TMOD1: variants seen among roughly 807,000 people sequenced by gnomAD.
TMOD1 encodes tropomodulin 1, also known as tropomodulin-1.
A neutral mutation model predicts 40.6 loss-of-function variants in TMOD1; 17 were observed. That is an observed-to-expected ratio of 0.42 (90% confidence interval 0.29 to 0.63). TMOD1 has a LOEUF of 0.63. TMOD1 is among the 20% of genes least tolerant of loss of function. The pLI, the probability that TMOD1 is intolerant of heterozygous loss-of-function variation, is 0.22. For missense variants in TMOD1, 391 were observed against 447.6 expected, an observed-to-expected ratio of 0.87 and a Z score of 1.14; for synonymous variants, 181 against 175.0, an observed-to-expected ratio of 1.03 and a Z score of -0.27.
intron 3 of TMOD1, 108 bp from the exon 4 acceptor site, chr9:97,553,173 G>T: frequency 4.6e-6 from 7 of 1,525,550 alleles, no homozygotes; most frequent in Non-Finnish European, 6.2e-6. Flanking sequence ...GGGACTCTCA[G>T]CATGGAGGGA....
At chr9:97,587,547 TCCCCG>T (rs1825907209) in intron 8 of TMOD1, among the ~76,000 whole-genome samples, 1 of 146,394 alleles carries the variant, frequency 6.8e-6, no homozygotes, top group Admixed American at 7.0e-5. Flanking sequence ...TCATATCCTT[TCCCCG>T]TTTTCTAATT....
At chr9:97,522,364 C>T (rs929271373) in intron 1 of TMOD1, among the ~76,000 whole-genome samples, 9 of 152,048 alleles carry the variant, frequency 5.9e-5, no homozygotes, top group Admixed American at 1.3e-4. Flanking sequence ...CCAAATTTCC[C>T]GTTTATAAGG....
At chr9:97,547,055 G>T (rs945019747) in intron 3 of TMOD1, among the ~76,000 whole-genome samples, 7 of 151,346 alleles carry the variant, frequency 4.6e-5, no homozygotes, top group Non-Finnish European at 8.8e-5. Context: ...TTTCTCCAAA[G>T]TTCCTCTCTC....
intron 8 of TMOD1, among the ~76,000 whole-genome samples, chr9:97,575,757 A>G (rs1446998026): frequency 6.6e-6 from 1 of 152,216 alleles, no homozygotes; most frequent in Non-Finnish European, 1.5e-5. Flanking sequence ...TCCAGGATAC[A>G]CCTTGTAACA....
rs1273095828 is a variant in TMOD1, at chr9:97,513,815, C to T, written c.-48-10326C>T. On this transcript the variant is annotated intron_variant, in intron 1 of 9. Transcript: ENST00000259365. This position sits in a 1 kb window ranked among gnomAD's most constrained non-coding sequence, Gnocchi z 4.1. ...AGGCCCCCTGACTTCTATGGCAATG[C>T]TCCTTCTGCCATTGCACAGTGGCCC... 1 of 152,260 alleles carries T rather than the reference C, an allele frequency of 6.6e-6. No homozygotes were observed. Among genetic ancestry groups the T allele is most frequent in the Non-Finnish European group, 1.5e-5 (1 of 68,054 alleles). The allele number at this position is 152,260 out of a possible 1,614,324, so 9.4% of individuals were successfully genotyped here.
At chr9:97,546,369 T>C in intron 3 of TMOD1, 28 bp downstream of exon 3, 1 of 1,606,514 alleles carries the variant, frequency 6.2e-7, no homozygotes, top group East Asian at 2.2e-5. Context: ...TGTTATAATA[T>C]GCCACTCCCC....
intron 1 of TMOD1, among the ~76,000 whole-genome samples, chr9:97,509,980 T>C (rs1054676360): frequency 1.3e-5 from 2 of 152,228 alleles, no homozygotes; most frequent in African/African-American, 4.8e-5. Flanking sequence ...TGTTTTTTTA[T>C]TGGAGGAACT....
At position 97,524,303 on chromosome 9, in the gene TMOD1, C is replaced by A. The variant is rs1829964377; in HGVS notation, c.115C>A (p.Pro39Thr). The A allele has an allele frequency of 6.2e-7, 1 of 1,613,812 alleles. No individual in the cohort carries two copies. Among genetic ancestry groups the A allele is most frequent in the African/African-American group, 1.3e-5 (1 of 74,888 alleles). ...GGAAAATGAGCTGGATGAGCTGGAC[C>A]CTGATGTGAGTAGGTGCTAAAGGGA... ...TLENELDELD[P>T]DNALLPAGLR... is the part of the protein sequence containing the mutation. The change falls in exon 2 of 10, where the codon CCT becomes ACT. Residue 39 changes from proline to threonine, a missense_variant. Coordinates refer to ENST00000259365, the MANE Select transcript of TMOD1 (RefSeq NM_003275.4).
chr9:97,574,679 G>A (rs1179494149), intron 8 of TMOD1, among the ~76,000 whole-genome samples: 4 of 152,266 alleles, frequency 2.6e-5, no homozygotes, highest in African/African-American at 9.6e-5. Flanking sequence ...GTCTGGCTAA[G>A]GGATGGCAAA....
At chr9:97,589,279 ATT>A (rs563136711) in intron 8 of TMOD1, among the ~76,000 whole-genome samples, 107 of 109,456 alleles carry the variant, frequency 9.8e-4, no homozygotes, top group Middle Eastern at 9.9e-3. Flanking sequence ...AAACTCACTA[ATT>A]TTTTTTTTTT....
At chr9:97,523,913 T>A (rs1011794518) in intron 1 of TMOD1, among the ~76,000 whole-genome samples, 3 of 152,272 alleles carry the variant, frequency 2.0e-5, no homozygotes, top group Non-Finnish European at 4.4e-5. Flanking sequence ...TTAATGTCCA[T>A]GCCAATTCTA....
At chr9:97,580,993 T>A (rs1825739026) in intron 8 of TMOD1, among the ~76,000 whole-genome samples, 1 of 150,946 alleles carries the variant, frequency 6.6e-6, no homozygotes, top group African/African-American at 2.4e-5. Flanking sequence ...TTTATTTCTT[T>A]TTTCTTTTTT....
intron 2 of TMOD1, among the ~76,000 whole-genome samples, chr9:97,537,842 G>C (rs897589851): frequency 3.3e-5 from 5 of 152,166 alleles, no homozygotes; most frequent in African/African-American, 1.2e-4. Context: ...GTAAATATTT[G>C]AGAAATAAAT....
chr9:97,508,057 T>TCA (rs56669574), intron 1 of TMOD1, among the ~76,000 whole-genome samples: 5,147 of 132,012 alleles, frequency 0.039, 123 homozygotes, highest in East Asian at 0.072. Flanking sequence ...TCTTCCTGAT[T>TCA]CACACACACA....
intron 8 of TMOD1, among the ~76,000 whole-genome samples, chr9:97,578,694 G>A (rs544566916): frequency 6.6e-6 from 1 of 152,268 alleles, no homozygotes; most frequent in South Asian, 2.1e-4. Flanking sequence ...GCAGATGCTG[G>A]CTCCTGCCTG....
intron 8 of TMOD1, among the ~76,000 whole-genome samples, chr9:97,572,465 C>T (rs77060344): frequency 0.013 from 1,903 of 152,092 alleles, 39 homozygotes; most frequent in African/African-American, 0.042. Flanking sequence ...TGTGGGGAGG[C>T]GCTCCTGCCT....
chr9:97,584,498 C>T (rs949658141), intron 8 of TMOD1, among the ~76,000 whole-genome samples: 1 of 151,992 alleles, frequency 6.6e-6, no homozygotes, highest in African/African-American at 2.4e-5. Context: ...GTGGAGAGTT[C>T]TGTAGATGTC....
At chr9:97,515,257 G>A (rs1195918635) in intron 1 of TMOD1, among the ~76,000 whole-genome samples, 7 of 149,392 alleles carry the variant, frequency 4.7e-5, no homozygotes, top group African/African-American at 9.8e-5. Context: ...TGGGAGAAAC[G>A]AAGAGCTTTA....
intron 8 of TMOD1, 92 bp downstream of exon 8, chr9:97,569,129 CTGA>C: frequency 6.6e-7 from 1 of 1,520,744 alleles, no homozygotes. Context: ...GCTGAGAATG[CTGA>C]TGATAGAAGC....
Sources: allele counts gnomAD v4.1 joint callset (sites outside exome capture counted in the v4.1 genomes callset), GRCh38; gene constraint gnomAD v4.1.1; non-coding constraint Gnocchi (gnomAD v3.1); transcripts MANE v1.5; gene names NCBI Gene and HGNC (gene_info 2026-07-23, HGNC 2026-07-21).